ZNF404: variants seen among roughly 807,000 people sequenced by gnomAD.
ZNF404 encodes the protein zinc finger protein 404.
In ZNF404, 7 loss-of-function variants were observed where a neutral mutation model predicts 7.3. That is an observed-to-expected ratio of 0.95 (90% CI 0.54 to 1.79). ZNF404 has a LOEUF of 1.79. Among genes scored for constraint, ZNF404 ranks in the 40% most tolerant of loss-of-function variants. The pLI, the probability that ZNF404 is intolerant of heterozygous loss-of-function variation, is 0.00. For synonymous variants in ZNF404, 191 were observed against 209.9 expected (o/e 0.91, Z 0.78); for missense variants, 560 against 661.5 (o/e 0.85, Z 1.68).
At chr19:43,880,815 C>G (rs1272832291) in intron 1 of ZNF404, among the ~76,000 whole-genome samples, 2 of 152,070 alleles carry the variant, frequency 1.3e-5, no homozygotes, top group Non-Finnish European at 2.9e-5. Context: ...AAGTACAAAC[C>G]AATATCCATC....
At chr19:43,877,555 TTTTAC>T (rs1466590608) in intron 2 of ZNF404, among the ~76,000 whole-genome samples, 2 of 152,122 alleles carry the variant, frequency 1.3e-5, no homozygotes, top group South Asian at 2.1e-4. Context: ...AGATTTCCCC[TTTTAC>T]TTTATTTTTA....
At chr19:43,879,061 A>T (rs938821731) in intron 2 of ZNF404, among the ~76,000 whole-genome samples, 3 of 152,134 alleles carry the variant, frequency 2.0e-5, no homozygotes, top group Admixed American at 2.0e-4. Flanking sequence ...AAAGAAGCAG[A>T]CCCCCAGATG....
At chr19:43,879,894 T>C in intron 2 of ZNF404, 116 bp downstream of exon 2, 2 of 1,343,752 alleles carry the variant, frequency 1.5e-6, no homozygotes, top group East Asian at 2.3e-5. Context: ...TAACAAACTT[T>C]GAGAATATGG....
At chr19:43,880,268 A>G (rs1014466538) in intron 1 of ZNF404, 132 bp from the exon 2 acceptor site, 34 of 726,838 alleles carry the variant, frequency 4.7e-5, no homozygotes, top group South Asian at 3.6e-4. Context: ...ATGGTTAGAT[A>G]AGAGTAAATA....
chr19:43,877,407 T>C (rs1186394643), intron 2 of ZNF404, among the ~76,000 whole-genome samples: 1 of 152,112 alleles, frequency 6.6e-6, no homozygotes, highest in African/African-American at 2.4e-5. Context: ...TAGGGTGCCT[T>C]GGAGAAATAG....
At chr19:43,877,787 T>C (rs1971861519) in intron 2 of ZNF404, among the ~76,000 whole-genome samples, 1 of 142,356 alleles carries the variant, frequency 7.0e-6, no homozygotes, top group East Asian at 2.1e-4. Context: ...CCTGTGTCCA[T>C]GTGATCTCAT....
chr19:43,879,425 T>A (rs1395875100), intron 2 of ZNF404, among the ~76,000 whole-genome samples: 4 of 152,220 alleles, frequency 2.6e-5, no homozygotes, highest in Admixed American at 2.6e-4. Flanking sequence ...GTAATTAAAG[T>A]CCCAGATGGG....
rs559523879 is a variant in ZNF404, at chr19:43,883,901, T to C, written c.9+55A>G. 2.5e-6 allele frequency: 4 copies of C among 1,584,162 alleles called. No homozygotes were observed. The South Asian group carries it at 4.4e-5, about 18-fold the overall frequency. ...TTCAGGATTAAAAAAATGAAAATAT[T>C]ACATGAATTAAAAAATCACAATAAG... On this transcript the variant is annotated intron_variant, in intron 1 of 2. Transcript: ENST00000587539.
chr19:43,877,537 G>A (rs1006227298), intron 2 of ZNF404, among the ~76,000 whole-genome samples: 3 of 151,918 alleles, frequency 2.0e-5, no homozygotes, highest in Non-Finnish European at 4.4e-5. Flanking sequence ...GAAACATTAA[G>A]AGGGATCAGA....
Position 43,872,757 on chromosome 19 carries a change from T to C in ZNF404, c.1457A>G (p.Lys486Arg). The C allele has an allele frequency of 6.2e-7, 1 of 1,612,784 alleles. No individual in the cohort carries two copies. The highest frequency in any genetic ancestry group is 1.3e-5 in the African/African-American group (1 of 75,046). The change falls in exon 3 of 3, where the codon AAG becomes AGG. Residue 486 changes from lysine to arginine, a missense_variant. Transcript: ENST00000587539. The surrounding 1 kb of genome is among the most constrained non-coding windows in gnomAD (Gnocchi z 4.4). ...GGGTTTTTCACCAGTATGAATTCTC[T>C]TATGTTGAGAAAGACCTGAGATAGA... is the stretch of plus-strand genomic sequence containing the variant. ...FRSISGLSQH[K>R]RIHTGEKPYE...
rs764380724 is a variant in ZNF404 at position 43,872,748 on chromosome 19, T to A, written c.1466A>T (p.His489Leu). Residue 489 changes from histidine to leucine, a missense_variant, in exon 3 of 3, where the codon CAT becomes CTT. Transcript: ENST00000587539. The surrounding 1 kb of genome is among the most constrained non-coding windows in gnomAD (Gnocchi z 4.4). The part of the protein sequence containing the change: ...ISGLSQHKRI[H>L]TGEKPYECKE... ...ACATTCATAGGGTTTTTCACCAGTATGAATTCTCTTATGTTGAGAAAGACC... is the reference window on the plus strand; with the variant it reads ...ACATTCATAGGGTTTTTCACCAGTAAGAATTCTCTTATGTTGAGAAAGACC... 1 of 1,613,060 alleles carries A rather than the reference T, an allele frequency of 6.2e-7. No homozygotes were observed. Among genetic ancestry groups the A allele is most frequent in the South Asian group, 1.1e-5 (1 of 90,982 alleles).
rs759152735 is a variant in ZNF404 at position 43,873,555 on chromosome 19, C to G, written c.659G>C (p.Cys220Ser). Residue 220 changes from cysteine (C) to serine (S), a missense_variant, in exon 3 of 3, where the codon TGC becomes TCC. By Grantham distance (112) the Cys-to-Ser change is moderately radical. Coordinates refer to ENST00000587539, the MANE Select transcript of ZNF404 (RefSeq NM_001033719.3). ...TGMKPYECKQCGKAFRRHSHL... is the reference protein window; with the variant it reads ...TGMKPYECKQSGKAFRRHSHL... ...AGAATGACGTCTAAAAGCCTTCCCG[C>G]ATTGCTTACATTCATAGGGTTTCAT... The G allele has an allele frequency of 5.6e-6, 9 of 1,613,628 alleles. No individual in the cohort carries two copies. The East Asian group carries it at 1.8e-4, about 32-fold the overall frequency.
chr19:43,879,906 G>T, intron 2 of ZNF404, 104 bp downstream of exon 2: 1 of 1,424,418 alleles, frequency 7.0e-7, no homozygotes, highest in Non-Finnish European at 9.8e-7. Context: ...AGAATATGGA[G>T]CAGAAATGTA....
rs1051341038 is a variant in ZNF404, at chr19:43,873,406, G to A, written c.808C>T (p.Pro270Ser). The A allele has an allele frequency of 3.1e-6, 5 of 1,613,332 alleles. No homozygotes were observed. Among genetic ancestry groups the A allele is most frequent in the African/African-American group, 1.3e-5 (1 of 74,892 alleles). ...TTTCCACATTCTTTACATTTGTAGG[G>A]TTTCACACCATGATGAATTTTCTGA... ...LHQKIHHGVKPYKCKECGKAF... is the reference protein window; with the variant it reads ...LHQKIHHGVKSYKCKECGKAF... The change falls in exon 3 of 3, where the codon CCC becomes TCC. Residue 270 changes from proline to serine, a missense_variant. By Grantham distance (74) the Pro-to-Ser change is moderately conservative. Transcript: ENST00000587539.
chr19:43,872,449 G>A lies in ZNF404; in HGVS notation c.*106C>T, dbSNP rs1211202105. ...AGTAAGCAAATACGATGTGCCAGAT[G>A]CCTTTCCAAGTATTTATATTCTATA... On this transcript the variant is annotated 3_prime_UTR_variant, in exon 3 of 3. Coordinates refer to ENST00000587539, the MANE Select transcript of ZNF404 (RefSeq NM_001033719.3). This position sits in a 1 kb window ranked among gnomAD's most constrained non-coding sequence, Gnocchi z 4.4. The A allele has an allele frequency of 1.1e-5, 9 of 803,888 alleles. No individual in the cohort carries two copies. The allele number at this position is 803,888 out of a possible 1,614,324, so 49.8% of individuals were successfully genotyped here.
At chr19:43,881,923 C>T (rs1971897601) in intron 1 of ZNF404, among the ~76,000 whole-genome samples, 1 of 144,976 alleles carries the variant, frequency 6.9e-6, no homozygotes, top group Admixed American at 7.0e-5. Context: ...CATCATTGCA[C>T]TCCAGCCTGG....
chr19:43,881,393 A>T (rs941118220), intron 1 of ZNF404, among the ~76,000 whole-genome samples: 2 of 152,242 alleles, frequency 1.3e-5, no homozygotes, highest in Non-Finnish European at 2.9e-5. Context: ...CTGAGAAGAT[A>T]CAAGCTCAAT....
chr19:43,873,898 A>G lies in ZNF404; in HGVS notation c.316T>C (p.Cys106Arg). 6.2e-7 allele frequency: 1 copy of G among 1,613,152 alleles called. No individual in the cohort carries two copies. Among genetic ancestry groups the G allele is most frequent in the Non-Finnish European group, 8.5e-7 (1 of 1,179,502 alleles). The change falls in exon 3 of 3, where the codon TGT (cysteine) becomes CGT (arginine). Residue 106 changes from cysteine (C) to arginine (R), a missense_variant. Transcript: ENST00000587539. ...FGRQQRPKVGCFSQMIFKKHK... is the reference protein window; with the variant it reads ...FGRQQRPKVGRFSQMIFKKHK... The stretch of plus-strand genomic sequence containing the variant: ...TTTTTGAATATCATTTGACTAAAAC[A>G]TCCCACTTTAGGTCTCTGTTGTCTC...
At chr19:43,882,442 C>A (rs1279158208) in intron 1 of ZNF404, among the ~76,000 whole-genome samples, 1 of 151,916 alleles carries the variant, frequency 6.6e-6, no homozygotes, top group Admixed American at 6.6e-5. Flanking sequence ...TGGGGTGAGG[C>A]AAAGATTTCT....
Sources: allele counts gnomAD v4.1 joint callset (sites outside exome capture counted in the v4.1 genomes callset), GRCh38; gene constraint gnomAD v4.1.1; non-coding constraint Gnocchi (gnomAD v3.1); transcripts MANE v1.5; gene names NCBI Gene and HGNC (gene_info 2026-07-23, HGNC 2026-07-21).